CCDC88C: variants seen among roughly 807,000 people sequenced by gnomAD.
The protein encoded by CCDC88C is protein Daple.
Under a neutral mutation model 198.8 loss-of-function variants are expected in CCDC88C, and 131 were observed. The ratio of observed to expected loss-of-function variants is 0.66; its 90% CI spans 0.57 to 0.76. The LOEUF (loss-of-function observed/expected upper bound fraction) is 0.76, where lower values mean the gene tolerates loss of function less well. CCDC88C is among the 30% of genes least tolerant of loss of function. The pLI, the probability that CCDC88C is intolerant of heterozygous loss-of-function variation, is 0.00. For missense variants in CCDC88C, 2,553 were observed against 2,631.6 expected (o/e 0.97, Z 0.65); for synonymous variants, 1,166 against 1,114.7 (o/e 1.05, Z -0.92).
intron 4 of CCDC88C, among the ~76,000 whole-genome samples, chr14:91,350,615 A>G (rs1893742271): frequency 6.6e-6 from 1 of 152,192 alleles, no homozygotes; most frequent in Non-Finnish European, 1.5e-5. Flanking sequence ...GCTGGGGTCA[A>G]AGGCACAGTG....
chr14:91,312,435 C>A (rs1025761217), intron 15 of CCDC88C, among the ~76,000 whole-genome samples: 3 of 152,122 alleles, frequency 2.0e-5, no homozygotes, highest in Admixed American at 6.6e-5. Flanking sequence ...GTAATCCCAG[C>A]ACTTTGGGAG....
intron 3 of CCDC88C, among the ~76,000 whole-genome samples, chr14:91,376,887 C>A (rs571651837): frequency 9.2e-5 from 14 of 152,350 alleles, no homozygotes; most frequent in South Asian, 6.2e-4. Context: ...ACAGCCCCGG[C>A]CACCCAGACC....
At chr14:91,317,655 G>T (rs1016131739) in intron 13 of CCDC88C, among the ~76,000 whole-genome samples, 1 of 152,222 alleles carries the variant, frequency 6.6e-6, no homozygotes, top group Non-Finnish European at 1.5e-5. Flanking sequence ...AGAGGGAGGA[G>T]AGAGCTCCAG....
In CCDC88C at chr14:91,273,722, C is replaced by G; in HGVS notation, c.5059-69G>C. On this transcript the variant is annotated intron_variant, in intron 29 of 29. Coordinates refer to ENST00000389857, the MANE Select transcript of CCDC88C (RefSeq NM_001080414.4). This position sits in a 1 kb window ranked among gnomAD's most constrained non-coding sequence, Gnocchi z 5.6. ...GGTGGGTCCTTGGAGCCGCCTCCTG[C>G]GCGGGACGCCCCCGAGCAGCCCACG... 7.5e-7 allele frequency: 1 copy of G among 1,339,388 alleles called. No individual in the cohort carries two copies. 83.0% of individuals were successfully genotyped at this position (1,339,388 alleles called of 1,614,324 possible).
intron 3 of CCDC88C, among the ~76,000 whole-genome samples, chr14:91,362,656 G>A (rs541476024): frequency 7.2e-5 from 11 of 152,236 alleles, no homozygotes; most frequent in African/African-American, 2.4e-4. Flanking sequence ...TTTGCCGGGC[G>A]CGGTGGCTCA....
At chr14:91,345,190 A>ATTTTTTTTTTT (rs58941451) in intron 4 of CCDC88C, among the ~76,000 whole-genome samples, 5 of 52,200 alleles carry the variant, frequency 9.6e-5, no homozygotes, top group Admixed American at 3.0e-4. Context: ...ATATATATAT[A>ATTTTTTTTTTT]TTTTTTTTTT....
rs539165006 is a variant in CCDC88C at position 91,300,420 on chromosome 14, T to C, written c.3636-350A>G. Among the ~76,000 whole-genome samples the C allele has an allele frequency of 1.2e-3, 182 of 152,322 alleles. 2 individuals carry two copies. The highest frequency in any genetic ancestry group is 4.2e-3 in the African/African-American group (174 of 41,570). On this transcript the variant is annotated intron_variant, in intron 20 of 29. Coordinates refer to ENST00000389857, the MANE Select transcript of CCDC88C (RefSeq NM_001080414.4). Reference sequence around the variant, plus strand: ...CCCTTCTCTTTTAGGGAATTATAAATACGCTACTAGGTAGTTCACTAAGCA... The same window carrying C: ...CCCTTCTCTTTTAGGGAATTATAAACACGCTACTAGGTAGTTCACTAAGCA...
chr14:91,303,492 A>T (rs1247586968), intron 20 of CCDC88C, among the ~76,000 whole-genome samples: 2 of 35,552 alleles, frequency 5.6e-5, no homozygotes, highest in East Asian at 1.4e-3. Context: ...TCCAGGCTCC[A>T]CCCCTCTCCC....
At chr14:91,299,749 T>G (rs1331380423) in intron 21 of CCDC88C, among the ~76,000 whole-genome samples, 178 bp downstream of exon 21, 1 of 152,240 alleles carries the variant, frequency 6.6e-6, no homozygotes, top group Non-Finnish European at 1.5e-5. Context: ...AGTGCTCTCA[T>G]GCCAGCAACC....
chr14:91,331,926 G>A (rs1892848520), intron 10 of CCDC88C, among the ~76,000 whole-genome samples: 1 of 151,950 alleles, frequency 6.6e-6, no homozygotes, highest in African/African-American at 2.4e-5. Context: ...GCCTCTGGGT[G>A]TAGACTGTGC....
At chr14:91,382,084 C>T (rs899385907) in intron 3 of CCDC88C, among the ~76,000 whole-genome samples, 10 of 152,154 alleles carry the variant, frequency 6.6e-5, no homozygotes, top group Non-Finnish European at 1.3e-4. Flanking sequence ...TCAGACCCGC[C>T]ATTAAATACA....
chr14:91,382,978 T>C (rs1884896910), intron 3 of CCDC88C, among the ~76,000 whole-genome samples: 1 of 152,096 alleles, frequency 6.6e-6, no homozygotes, highest in Non-Finnish European at 1.5e-5. Flanking sequence ...TCAGTCACTA[T>C]CCCTCCTTCC....
intron 29 of CCDC88C, among the ~76,000 whole-genome samples, chr14:91,276,526 G>A (rs1394758799): frequency 6.6e-6 from 1 of 152,250 alleles, no homozygotes; most frequent in Admixed American, 6.5e-5. Flanking sequence ...TGCTTTCCAA[G>A]AGCAGGCACC....
rs1886232408 is a variant in CCDC88C at position 91,402,030 on chromosome 14, T to C, written c.270+6629A>G. On this transcript the variant is annotated intron_variant, in intron 3 of 29. Coordinates refer to ENST00000389857, the MANE Select transcript of CCDC88C (RefSeq NM_001080414.4). ...TGGATCATGCCTGTAATCCCAGCACTTTGAGAGGGTGAGGCGGGAGGATTG... is the reference window on the plus strand; with the variant it reads ...TGGATCATGCCTGTAATCCCAGCACCTTGAGAGGGTGAGGCGGGAGGATTG... Among the ~76,000 whole-genome samples, 4 of 152,260 alleles carry C rather than the reference T, an allele frequency of 2.6e-5. No homozygotes were observed. The South Asian group carries it at 8.3e-4, about 32-fold the overall frequency.
intron 24 of CCDC88C, among the ~76,000 whole-genome samples, chr14:91,290,487 T>G (rs1429489209): frequency 6.6e-6 from 1 of 152,188 alleles, no homozygotes; most frequent in Non-Finnish European, 1.5e-5. Context: ...CCAGCCCCAC[T>G]TGGGGAGAGC....
At chr14:91,367,012 G>C (rs529819049) in intron 3 of CCDC88C, among the ~76,000 whole-genome samples, 31 of 152,366 alleles carry the variant, frequency 2.0e-4, no homozygotes, top group Non-Finnish European at 4.4e-4. Flanking sequence ...GCAGAGGTTA[G>C]CTTCAGTATC....
chr14:91,376,175 T>G (rs1178169893), intron 3 of CCDC88C, among the ~76,000 whole-genome samples: 2 of 151,722 alleles, frequency 1.3e-5, no homozygotes, highest in Non-Finnish European at 2.9e-5. Flanking sequence ...AGGGTGACGA[T>G]CATAGGTCAG....
chr14:91,305,333 T>C (rs920485783), intron 19 of CCDC88C, among the ~76,000 whole-genome samples: 4 of 152,194 alleles, frequency 2.6e-5, no homozygotes, highest in Admixed American at 2.0e-4. Flanking sequence ...CCACTTAATA[T>C]CCTACACTTC....
chr14:91,353,522 G>T (rs1893905649), intron 4 of CCDC88C, among the ~76,000 whole-genome samples: 2 of 152,204 alleles, frequency 1.3e-5, no homozygotes. Context: ...AGCTCCTTTT[G>T]TGAGCCTCTG....
Sources: gnomAD v4.1 joint callset for allele counts (sites outside exome capture counted in the v4.1 genomes callset) on GRCh38, gnomAD v4.1.1 for gene constraint, Gnocchi (gnomAD v3.1) non-coding constraint, MANE v1.5 for transcripts, NCBI Gene and HGNC (gene_info 2026-07-23, HGNC 2026-07-21) for gene names.